The following TNS3 variants were observed in gnomAD, a reference collection of about 807,000 sequenced individuals.
The protein encoded by TNS3 is tensin-3.
In TNS3, 45 loss-of-function variants were observed where a neutral mutation model predicts 140.9. The ratio of observed to expected loss-of-function variants is 0.32; its 90% confidence interval spans 0.25 to 0.41. The LOEUF is 0.41. Ranked by LOEUF, TNS3 falls within the 10% of genes least tolerant of loss-of-function variation. The pLI is 1.00. For missense variants in TNS3, 1,716 were observed against 1,906.7 expected (o/e 0.90, Z 1.86); for synonymous variants, 815 against 788.4 (o/e 1.03, Z -0.56).
In TNS3 at chr7:47,321,347, A is replaced by G. The variant is rs1360956082; in HGVS notation, c.2651-16344T>C. Among the ~76,000 whole-genome samples, 8 of 152,278 alleles carry G rather than the reference A, an allele frequency of 5.3e-5. No homozygotes were observed. In the South Asian group the frequency reaches 1.0e-3, roughly 20 times the overall value. On this transcript the variant is annotated intron_variant, in intron 20 of 30. Transcript: ENST00000311160. The stretch of plus-strand genomic sequence containing the variant: ...GGCTGGCTCTATGTTCTTCATGGGC[A>G]GCGTCTCCACGGTCATGCACCATGC...
intron 16 of TNS3, among the ~76,000 whole-genome samples, chr7:47,374,956 G>A (rs905879939): frequency 6.6e-6 from 1 of 152,216 alleles, no homozygotes; most frequent in Non-Finnish European, 1.5e-5. Flanking sequence ...GGCACCTGAT[G>A]TGCTATTAGG....
chr7:47,340,086 C>CATATACAT (rs1464121938), intron 20 of TNS3, among the ~76,000 whole-genome samples: 1 of 63,868 alleles, frequency 1.6e-5, no homozygotes, highest in Non-Finnish European at 3.0e-5. Context: ...TGTGTGTGTG[C>CATATACAT]ATATACATAT....
At chr7:47,312,562 G>A (rs1228155811) in intron 20 of TNS3, among the ~76,000 whole-genome samples, 1 of 152,016 alleles carries the variant, frequency 6.6e-6, no homozygotes, top group Non-Finnish European at 1.5e-5. Flanking sequence ...AATTAGCTGG[G>A]TGTGGTGGTG....
chr7:47,356,810 C>T (rs1252326431), intron 17 of TNS3, among the ~76,000 whole-genome samples: 3 of 152,082 alleles, frequency 2.0e-5, no homozygotes, highest in East Asian at 1.9e-4. Flanking sequence ...GGCACAGTGG[C>T]TCACGCCTGT....
chr7:47,358,381 C>T (rs1790121790), intron 17 of TNS3, among the ~76,000 whole-genome samples: 1 of 152,222 alleles, frequency 6.6e-6, no homozygotes, highest in Non-Finnish European at 1.5e-5. Flanking sequence ...TCGTGATCCA[C>T]CCACCGTGGC....
At chr7:47,496,267 CAG>C (rs1430333299) in intron 3 of TNS3, among the ~76,000 whole-genome samples, 4 of 148,488 alleles carry the variant, frequency 2.7e-5, no homozygotes, top group Non-Finnish European at 5.9e-5. Flanking sequence ...CAGGGGAATA[CAG>C]AGTTTGGGGT....
At chr7:47,311,315 T>A (rs1186409835) in intron 20 of TNS3, among the ~76,000 whole-genome samples, 2 of 151,956 alleles carry the variant, frequency 1.3e-5, no homozygotes, top group Non-Finnish European at 2.9e-5. Flanking sequence ...AATGACGAGT[T>A]AATGGGTGCA....
Position 47,369,167 on chromosome 7 carries a change from A to C in TNS3, c.1479T>G (p.Leu493=), listed in dbSNP as rs759011818. 2 of 1,614,006 alleles carry C rather than the reference A, an allele frequency of 1.2e-6. No homozygotes were observed. The highest frequency in any genetic ancestry group is 2.7e-5 in the African/African-American group (2 of 74,944). ...GCCCTTCCGAGGAGGACAGGGTCCC[A>C]AGGCTGTCCACACTGTGCAGGTCGT... The part of the protein sequence containing the change: ...PHHDLHSVDS[L]GTLSSSEGPQ... The change falls in exon 17 of 31, where the codon CTT becomes CTG. Residue 493 remains leucine (L), a synonymous_variant. Transcript: ENST00000311160.
intron 17 of TNS3, among the ~76,000 whole-genome samples, chr7:47,362,861 C>G (rs1177469134): frequency 9.8e-6 from 1 of 101,834 alleles, no homozygotes; most frequent in Non-Finnish European, 2.2e-5. Flanking sequence ...ATCACCATTA[C>G]CACCATCAAC....
chr7:47,292,693 G>T, intron 26 of TNS3, 135 bp downstream of exon 26: 2 of 687,940 alleles, frequency 2.9e-6, no homozygotes, highest in East Asian at 2.9e-5. Flanking sequence ...GCCTTTTCTT[G>T]GGTTCAACCA....
At chr7:47,411,578 T>C in intron 13 of TNS3, 149 bp downstream of exon 13, 1 of 796,512 alleles carries the variant, frequency 1.3e-6, no homozygotes, top group Non-Finnish European at 1.9e-6. Flanking sequence ...GGGACCCCAG[T>C]GTTAAGGTAA....
rs1786082931 is a variant in TNS3, at chr7:47,297,223, G to C, written c.3545-10C>G. 1 of 1,606,248 alleles carries C rather than the reference G, an allele frequency of 6.2e-7. No homozygotes were observed. The highest frequency in any genetic ancestry group is 8.5e-7 in the Non-Finnish European group (1 of 1,176,682). On this transcript the variant is annotated splice_polypyrimidine_tract_variant and intron_variant, in intron 23 of 30. Coordinates refer to ENST00000311160, the MANE Select transcript of TNS3 (RefSeq NM_022748.12). ...TTCAACATGGCGATGGCTGGAGAAA[G>C]GGAGGAGAAAGACAAGAAGGTCTGC...
chr7:47,488,723 C>G (rs1286740155), intron 3 of TNS3, among the ~76,000 whole-genome samples: 1 of 152,076 alleles, frequency 6.6e-6, no homozygotes, highest in Non-Finnish European at 1.5e-5. Flanking sequence ...AATCAAAGGT[C>G]TGACAGGACG....
At chr7:47,516,688 C>T (rs538285505) in intron 2 of TNS3, among the ~76,000 whole-genome samples, 40 of 152,342 alleles carry the variant, frequency 2.6e-4, no homozygotes, top group African/African-American at 8.9e-4. Flanking sequence ...GGGCCAGGTC[C>T]GTCCTCCTCC....
intron 15 of TNS3, among the ~76,000 whole-genome samples, chr7:47,397,935 G>A (rs1050606232): frequency 6.6e-6 from 1 of 152,156 alleles, no homozygotes; most frequent in Non-Finnish European, 1.5e-5. Context: ...CCATTAGCTA[G>A]ATTAACCAAG....
At chr7:47,492,717 G>A (rs2151832667) in intron 3 of TNS3, among the ~76,000 whole-genome samples, 1 of 152,372 alleles carries the variant, frequency 6.6e-6, no homozygotes, top group Non-Finnish European at 1.5e-5. Context: ...CAAGGAGGCA[G>A]TAACACTAAA....
At chr7:47,410,326 G>T (rs990195540) in intron 13 of TNS3, among the ~76,000 whole-genome samples, 1 of 152,194 alleles carries the variant, frequency 6.6e-6, no homozygotes, top group Non-Finnish European at 1.5e-5. Flanking sequence ...CTATAAAAAC[G>T]TATGACGCAC....
intron 20 of TNS3, among the ~76,000 whole-genome samples, chr7:47,331,407 T>C (rs961623876): frequency 5.3e-5 from 8 of 152,130 alleles, no homozygotes; most frequent in East Asian, 1.9e-4. Flanking sequence ...CACTTGGGCA[T>C]TGCGGAGAAG....
At chr7:47,282,560 C>A (rs1785202418) in intron 28 of TNS3, among the ~76,000 whole-genome samples, 1 of 152,194 alleles carries the variant, frequency 6.6e-6, no homozygotes, top group South Asian at 2.1e-4. Context: ...GAGCCACAAC[C>A]CTGACCCTGT....
Sources: gnomAD v4.1 joint callset for allele counts (sites outside exome capture counted in the v4.1 genomes callset) on GRCh38, gnomAD v4.1.1 for gene constraint, MANE v1.5 for transcripts, NCBI Gene and HGNC (gene_info 2026-07-23, HGNC 2026-07-21) for gene names.